UNC13C: variants seen among roughly 807,000 people sequenced by gnomAD.
UNC13C encodes protein unc-13 homolog C.
UNC13C carries 174 observed loss-of-function variants against 245.4 expected under a neutral mutation model. That is an observed-to-expected ratio of 0.71 (90% CI 0.63 to 0.80). The LOEUF is 0.80. Among genes scored for constraint, UNC13C ranks in the 30% least tolerant of loss-of-function variants. UNC13C has a pLI of 0.00. For synonymous variants in UNC13C, 992 were observed against 895.1 expected, an observed-to-expected ratio of 1.11 and a Z score of -1.93; for missense variants, 2,829 against 2,602.9, an observed-to-expected ratio of 1.09 and a Z score of -1.89.
chr15:54,073,043 C>T (rs998967712), intron 2 of UNC13C, among the ~76,000 whole-genome samples: 1 of 152,110 alleles, frequency 6.6e-6, no homozygotes, highest in Non-Finnish European at 1.5e-5. Flanking sequence ...CCCTCCACCC[C>T]CCGACAGGCC....
chr15:53,967,470 C>A, the UNC13C span, among the ~76,000 whole-genome samples: 1 of 152,024 alleles, frequency 6.6e-6, no homozygotes, highest in African/African-American at 2.4e-5. Context: ...CCTTTACATT[C>A]CTTATTGCTT....
In UNC13C at chr15:54,444,668, G is replaced by A. The variant is rs982385552; in HGVS notation, c.4933+29601G>A. Among the ~76,000 whole-genome samples the A allele has an allele frequency of 9.2e-5, 14 of 151,570 alleles. No homozygotes were observed. In the South Asian group the frequency reaches 1.3e-3, roughly 14 times the overall value. On this transcript the variant is annotated intron_variant, in intron 19 of 32. Transcript: ENST00000260323. Reference sequence around the variant, plus strand: ...GATTTTCTATAGTCATAACATTTACGTCCTTTCTCTTCCTAATTTTTTTGT... The same window carrying A: ...GATTTTCTATAGTCATAACATTTACATCCTTTCTCTTCCTAATTTTTTTGT...
At chr15:54,089,603 A>C (rs552763416) in intron 2 of UNC13C, among the ~76,000 whole-genome samples, 1 of 150,248 alleles carries the variant, frequency 6.7e-6, no homozygotes, top group Non-Finnish European at 1.5e-5. Flanking sequence ...GTTATTTTCT[A>C]TTTCCTAAAT....
intron 6 of UNC13C, among the ~76,000 whole-genome samples, chr15:54,237,123 A>G (rs1158630975): frequency 6.6e-6 from 1 of 152,236 alleles, no homozygotes; most frequent in African/African-American, 2.4e-5. Context: ...AAATTAAATG[A>G]ACACTTAGAA....
intron 4 of UNC13C, among the ~76,000 whole-genome samples, chr15:54,175,819 G>A (rs926475566): frequency 6.6e-6 from 1 of 152,176 alleles, no homozygotes; most frequent in Non-Finnish European, 1.5e-5. Context: ...TATTGAAAGT[G>A]TTATGGGTCA....
At chr15:54,308,798 A>C (rs1040689266) in intron 13 of UNC13C, among the ~76,000 whole-genome samples, 1 of 151,680 alleles carries the variant, frequency 6.6e-6, no homozygotes, top group Non-Finnish European at 1.5e-5. Flanking sequence ...ATTTAACATA[A>C]TGTTCTCCAT....
In UNC13C at chr15:54,608,148, T is replaced by G. The variant is rs149504523; in HGVS notation, c.6107-14179T>G. Reference sequence around the variant, plus strand: ...CAGGTCTTTTTCCAAAAAAAAACACTTATATTTAAGTTTACTATAAACATT... The same window carrying G: ...CAGGTCTTTTTCCAAAAAAAAACACGTATATTTAAGTTTACTATAAACATT... On this transcript the variant is annotated intron_variant, in intron 30 of 32. Transcript: ENST00000260323. Among the ~76,000 whole-genome samples the G allele has an allele frequency of 2.0e-3, 306 of 152,300 alleles. 4 individuals are homozygous for G. The highest frequency in any genetic ancestry group is 1.7e-3 in the Non-Finnish European group (118 of 68,034).
chr15:54,277,120 A>G (rs1382315662), intron 10 of UNC13C, among the ~76,000 whole-genome samples: 1 of 152,108 alleles, frequency 6.6e-6, no homozygotes, highest in Non-Finnish European at 1.5e-5. Flanking sequence ...TGTGCACGAT[A>G]CTCAAACATT....
At chr15:54,043,389 T>A (rs985902001) in intron 2 of UNC13C, among the ~76,000 whole-genome samples, 5 of 152,196 alleles carry the variant, frequency 3.3e-5, no homozygotes, top group African/African-American at 1.2e-4. Flanking sequence ...ACATGGACTT[T>A]GAATTTTGAA....
intron 30 of UNC13C, among the ~76,000 whole-genome samples, chr15:54,593,471 A>G (rs1410412762): frequency 6.6e-6 from 1 of 152,124 alleles, no homozygotes; most frequent in Non-Finnish European, 1.5e-5. Context: ...GTCATTTAAC[A>G]TAATCCCAGG....
At chr15:54,222,703 C>T (rs982286097) in intron 4 of UNC13C, among the ~76,000 whole-genome samples, 4 of 152,058 alleles carry the variant, frequency 2.6e-5, no homozygotes, top group South Asian at 2.1e-4. Context: ...ATTTACAATC[C>T]CACCATCAGT....
intron 2 of UNC13C, among the ~76,000 whole-genome samples, chr15:54,076,889 G>C (rs1196628075): frequency 6.6e-6 from 1 of 152,132 alleles, no homozygotes; most frequent in Non-Finnish European, 1.5e-5. Context: ...TTATCAGATT[G>C]ATTTAGAGAA....
Position 53,986,270 on chromosome 15 carries a change from A to G in UNC13C, c.-257+7343A>G, listed in dbSNP as rs561175407. Among the ~76,000 whole-genome samples, 28 of 152,192 alleles carry G rather than the reference A, an allele frequency of 1.8e-4. 1 individual carries two copies. In the South Asian group the frequency reaches 2.1e-3, roughly 11 times the overall value. ...AACTTGAAATGGGGAGGGAATGCCA[A>G]TTAGGAGAGACAAAGTGTGGGGTCA... is the stretch of plus-strand genomic sequence containing the variant. On this transcript the variant is annotated intron_variant, in intron 1 of 32. Coordinates refer to ENST00000260323, the MANE Select transcript of UNC13C (RefSeq NM_001080534.3).
the UNC13C span, among the ~76,000 whole-genome samples, chr15:53,936,568 G>T: frequency 6.6e-6 from 1 of 152,214 alleles, no homozygotes; most frequent in Non-Finnish European, 1.5e-5. Context: ...CATTCCTCCT[G>T]ACTGGGTGAA....
At chr15:53,915,060 A>G in the UNC13C span, among the ~76,000 whole-genome samples, 14 of 152,286 alleles carry the variant, frequency 9.2e-5, no homozygotes, top group African/African-American at 2.6e-4. Context: ...TAAAGAGAAC[A>G]TGAGTTGACT....
At chr15:54,396,108 A>G (rs2040064596) in intron 18 of UNC13C, among the ~76,000 whole-genome samples, 1 of 151,688 alleles carries the variant, frequency 6.6e-6, no homozygotes, top group Admixed American at 6.6e-5. Flanking sequence ...TTATTGAGGT[A>G]TAATTGAATA....
intron 18 of UNC13C, among the ~76,000 whole-genome samples, chr15:54,404,316 C>A (rs1421451503): frequency 6.6e-6 from 1 of 152,088 alleles, no homozygotes; most frequent in Non-Finnish European, 1.5e-5. Flanking sequence ...TCAGTATTAT[C>A]AAATTTGGCA....
intron 17 of UNC13C, among the ~76,000 whole-genome samples, chr15:54,380,744 C>T (rs2039706150): frequency 6.6e-6 from 1 of 152,134 alleles, no homozygotes; most frequent in South Asian, 2.1e-4. Flanking sequence ...TATGTGTTGA[C>T]TATTTGTATA....
At chr15:54,159,860 G>T in intron 4 of UNC13C, among the ~76,000 whole-genome samples, 1 of 152,300 alleles carries the variant, frequency 6.6e-6, no homozygotes, top group South Asian at 2.1e-4. Flanking sequence ...TAGTGCACTA[G>T]AGAGAGGATT....
Sources: allele counts gnomAD v4.1 joint callset (sites outside exome capture counted in the v4.1 genomes callset), GRCh38; gene constraint gnomAD v4.1.1; transcripts MANE v1.5; gene names NCBI Gene and HGNC (gene_info 2026-07-23, HGNC 2026-07-21).